SRD5A2: variants seen among roughly 807,000 people sequenced by gnomAD.
SRD5A2 encodes steroid 5 alpha-reductase 2.
In SRD5A2, 30 loss-of-function variants were observed where a neutral mutation model predicts 27.4. That is an observed-to-expected ratio of 1.10 (90% confidence interval 0.82 to 1.49). SRD5A2 has a LOEUF of 1.49. Among genes scored for constraint, SRD5A2 ranks in the 40% most tolerant of loss-of-function variants. SRD5A2 has a pLI of 0.00. For synonymous variants in SRD5A2, 141 were observed against 133.6 expected, an observed-to-expected ratio of 1.06 and a Z score of -0.38; for missense variants, 348 against 323.4, an observed-to-expected ratio of 1.08 and a Z score of -0.58.
At chr2:31,607,143 T>G in the SRD5A2 span, among the ~76,000 whole-genome samples, 1 of 152,124 alleles carries the variant, frequency 6.6e-6, no homozygotes, top group South Asian at 2.1e-4. Flanking sequence ...AAACATAGCA[T>G]CAGTTATCTT....
the SRD5A2 span, among the ~76,000 whole-genome samples, chr2:31,609,344 C>T: frequency 7.2e-5 from 11 of 152,064 alleles, no homozygotes; most frequent in Admixed American, 2.0e-4. Flanking sequence ...GAAGGACTCA[C>T]ATTACCCAAT....
chr2:31,628,690 T>A, the SRD5A2 span, among the ~76,000 whole-genome samples: 1 of 152,208 alleles, frequency 6.6e-6, no homozygotes, highest in Non-Finnish European at 1.5e-5. Context: ...TATTTGCTTA[T>A]CTGAAAAGGA....
the SRD5A2 span, among the ~76,000 whole-genome samples, chr2:31,621,918 C>T: frequency 2.6e-5 from 4 of 151,470 alleles, no homozygotes; most frequent in East Asian, 2.0e-4. Context: ...CTTGGAAGTA[C>T]AGGCATGAGC....
the SRD5A2 span, among the ~76,000 whole-genome samples, chr2:31,591,814 T>A: frequency 3.1e-5 from 3 of 96,304 alleles, no homozygotes; most frequent in Admixed American, 2.5e-4. Flanking sequence ...GGAAACCATC[T>A]TTCTCAGCAA....
the SRD5A2 span, among the ~76,000 whole-genome samples, chr2:31,589,579 G>A: frequency 6.6e-5 from 10 of 152,206 alleles, no homozygotes; most frequent in African/African-American, 2.2e-4. Flanking sequence ...GCCTTGTGCC[G>A]AGGCCTGGGG....
the SRD5A2 span, among the ~76,000 whole-genome samples, chr2:31,600,174 T>A: frequency 6.6e-6 from 1 of 152,088 alleles, no homozygotes; most frequent in Non-Finnish European, 1.5e-5. Context: ...TGTTCCTTTT[T>A]ATGGCTACAC....
upstream of SRD5A2, among the ~76,000 whole-genome samples, chr2:31,583,642 AAAAAAAAACCAAAAAAAAAGC>A (rs1558379476): frequency 5.7e-3 from 167 of 29,290 alleles, 2 homozygotes; most frequent in African/African-American, 0.015. Flanking sequence ...AAAAAAAGCA[AAAAAAAAACCAAAAAAAAAGC>A]AAAAAAAAAA....
intron 1 of SRD5A2, among the ~76,000 whole-genome samples, chr2:31,548,913 A>G (rs1163614560): frequency 6.6e-6 from 1 of 152,040 alleles, no homozygotes; most frequent in Non-Finnish European, 1.5e-5. Flanking sequence ...AGAAAATTCT[A>G]ACACGTACTA....
intron 2 of SRD5A2, 119 bp downstream of exon 2, chr2:31,533,484 G>T: frequency 1.1e-6 from 1 of 882,478 alleles, no homozygotes; most frequent in Non-Finnish European, 1.8e-6. Flanking sequence ...GGGTAGAGGT[G>T]AGGGAGGGGA....
chr2:31,638,205 G>A, the SRD5A2 span, among the ~76,000 whole-genome samples: 10 of 151,780 alleles, frequency 6.6e-5, no homozygotes, highest in South Asian at 2.1e-4. Context: ...TTCAGGATCC[G>A]GTTGTTTGAT....
At chr2:31,533,477 T>A in intron 2 of SRD5A2, 126 bp downstream of exon 2, 1 of 821,618 alleles carries the variant, frequency 1.2e-6, no homozygotes. Flanking sequence ...AAGATCAGGG[T>A]AGAGGTGAGG....
At chr2:31,645,037 G>A in the SRD5A2 span, among the ~76,000 whole-genome samples, 4 of 152,000 alleles carry the variant, frequency 2.6e-5, no homozygotes, top group Non-Finnish European at 4.4e-5. Context: ...TACTTACATC[G>A]CAATTTTGAG....
At chr2:31,653,137 C>T in the SRD5A2 span, among the ~76,000 whole-genome samples, 1 of 152,166 alleles carries the variant, frequency 6.6e-6, no homozygotes, top group African/African-American at 2.4e-5. Context: ...CCCCTAGAGC[C>T]GCCAACACCA....
the SRD5A2 span, among the ~76,000 whole-genome samples, chr2:31,627,149 A>T: frequency 6.6e-6 from 1 of 151,990 alleles, no homozygotes; most frequent in Non-Finnish European, 1.5e-5. Context: ...TTTGCATATA[A>T]GTATTTATAG....
chr2:31,526,194 C>T lies in SRD5A2; in HGVS notation c.*2G>A. Reference sequence around the variant, plus strand: ...GCTCTGCTCCTTTTTAATTTGGTTCCTTTAAAAGATGAATGGAATAAGGGC... The same window carrying T: ...GCTCTGCTCCTTTTTAATTTGGTTCTTTTAAAAGATGAATGGAATAAGGGC... On this transcript the variant is annotated 3_prime_UTR_variant, in exon 5 of 5. Transcript: ENST00000622030. 2 of 1,573,950 alleles carry T rather than the reference C, an allele frequency of 1.3e-6. No individual in the cohort carries two copies. Among genetic ancestry groups the T allele is most frequent in the Non-Finnish European group, 1.7e-6 (2 of 1,156,134 alleles).
chr2:31,625,942 T>C, the SRD5A2 span, among the ~76,000 whole-genome samples: 1 of 152,198 alleles, frequency 6.6e-6, no homozygotes, highest in African/African-American at 2.4e-5. Context: ...ATCTATACAC[T>C]ACCTTGGGCA....
At chr2:31,643,530 T>A in the SRD5A2 span, among the ~76,000 whole-genome samples, 1 of 152,202 alleles carries the variant, frequency 6.6e-6, no homozygotes, top group African/African-American at 2.4e-5. Context: ...CAATGACACA[T>A]CAGGGCAATG....
chr2:31,637,865 T>A, the SRD5A2 span, among the ~76,000 whole-genome samples: 299 of 152,224 alleles, frequency 2.0e-3, 1 homozygote, highest in South Asian at 1.2e-3. Flanking sequence ...GTTTGTTAAT[T>A]TTATCTTTTA....
chr2:31,555,993 T>A (rs1056308812), intron 1 of SRD5A2, among the ~76,000 whole-genome samples: 14 of 152,176 alleles, frequency 9.2e-5, no homozygotes, highest in African/African-American at 3.4e-4. Context: ...TGGGTACACA[T>A]TTTAGCACAA....
Sources: gnomAD v4.1 joint callset for allele counts (sites outside exome capture counted in the v4.1 genomes callset) on GRCh38, gnomAD v4.1.1 for gene constraint, MANE v1.5 for transcripts, NCBI Gene and HGNC (gene_info 2026-07-23, HGNC 2026-07-21) for gene names.